Variants in EFCAB11 observed in about 807,000 individuals in gnomAD.
EFCAB11 encodes the protein EF-hand calcium binding domain 11, also known as EF-hand calcium-binding domain-containing protein 11.
In EFCAB11, 14 loss-of-function variants were observed where a neutral mutation model predicts 23.0. That is an observed-to-expected ratio of 0.61 (90% confidence interval 0.40 to 0.95). The LOEUF (loss-of-function observed/expected upper bound fraction) is 0.95, where lower values mean the gene tolerates loss of function less well. Among genes scored for constraint, EFCAB11 ranks in the 40% least tolerant of loss-of-function variants. The pLI, the probability that EFCAB11 is intolerant of heterozygous loss-of-function variation, is 0.00. For synonymous variants in EFCAB11, 65 were observed against 66.6 expected, an observed-to-expected ratio of 0.98 and a Z score of 0.11; for missense variants, 198 against 195.8, an observed-to-expected ratio of 1.01 and a Z score of -0.07.
rs555024133 is a variant in EFCAB11 at position 89,795,621 on chromosome 14, C to G, written c.*1622G>C. The G allele has an allele frequency of 6.6e-6, 1 of 151,906 alleles. No homozygotes were observed. The highest frequency in any genetic ancestry group is 1.5e-5 in the Non-Finnish European group (1 of 68,022). The allele number at this position is 151,906 out of a possible 1,614,324, so 9.4% of individuals were successfully genotyped here. A position where few individuals can be genotyped will look rare whatever the true frequency, so the allele number is the denominator to read the frequency against. On this transcript the variant is annotated 3_prime_UTR_variant, in exon 6 of 6. Transcript: ENST00000316738. ...GGCGGAAGTTGCAGTGAGCCGAGAT[C>G]GCGCACTGTACTCCAGCTTAGGTGA...
At chr14:89,924,597 T>C in intron 5 of EFCAB11, 1 of 1,534,446 alleles carries the variant, frequency 6.5e-7, no homozygotes, top group African/African-American at 1.4e-5. Context: ...CACAGGGTGT[T>C]GATGGCAGGC....
intron 5 of EFCAB11, among the ~76,000 whole-genome samples, chr14:89,811,043 G>A (rs1323873778): frequency 6.6e-6 from 1 of 152,130 alleles, no homozygotes; most frequent in African/African-American, 2.4e-5. Flanking sequence ...GAACTGGGCA[G>A]CAGGTCAGGG....
chr14:89,864,062 T>C (rs1181676407), intron 5 of EFCAB11, among the ~76,000 whole-genome samples: 1 of 152,248 alleles, frequency 6.6e-6, no homozygotes, highest in Non-Finnish European at 1.5e-5. Flanking sequence ...CACTACTTAA[T>C]TTTTAAATAA....
At chr14:89,901,744 T>C (rs1330198931) in intron 5 of EFCAB11, among the ~76,000 whole-genome samples, 2 of 152,198 alleles carry the variant, frequency 1.3e-5, no homozygotes, top group Middle Eastern at 3.2e-3. Flanking sequence ...TGAAATATGA[T>C]ATGACATAAT....
At chr14:89,862,546 GA>G (rs1887957324) in intron 5 of EFCAB11, among the ~76,000 whole-genome samples, 1 of 152,218 alleles carries the variant, frequency 6.6e-6, no homozygotes, top group African/African-American at 2.4e-5. Flanking sequence ...AATTCTGACA[GA>G]AAGCTACCTG....
intron 5 of EFCAB11, among the ~76,000 whole-genome samples, chr14:89,925,915 G>T (rs12100947): frequency 0.19 from 28,655 of 151,876 alleles, 3,144 homozygotes; most frequent in South Asian, 0.32. Context: ...TGCAACCCCC[G>T]CCTCCAAAGT....
intron 5 of EFCAB11, among the ~76,000 whole-genome samples, chr14:89,894,738 A>G (rs868511890): frequency 6.6e-6 from 1 of 152,244 alleles, no homozygotes; most frequent in African/African-American, 2.4e-5. Context: ...TGATGTCATT[A>G]TCTTTGTGGA....
intron 5 of EFCAB11, among the ~76,000 whole-genome samples, chr14:89,875,688 T>C (rs1187032679): frequency 1.3e-5 from 2 of 152,000 alleles, no homozygotes; most frequent in African/African-American, 4.8e-5. Flanking sequence ...TATGTGGAGT[T>C]TGAGGGGTCA....
Position 89,797,254 on chromosome 14 carries a change from T to A in EFCAB11, c.481A>T (p.Lys161Ter), listed in dbSNP as rs775084703. Reference sequence around the variant, plus strand: ...GTAGTTCACAATAGTTAGGCTTCCTTCTGTCCATAGTTCAGGGCATATTCA... The same window carrying A: ...GTAGTTCACAATAGTTAGGCTTCCTACTGTCCATAGTTCAGGGCATATTCA... ...DFEYALNYGQ[K>*]EA The change falls in exon 6 of 6, where the codon AAG becomes TAG. Residue 161 changes from lysine to a stop codon, truncating the protein, a stop_gained. Transcript: ENST00000316738. LOFTEE classifies it high-confidence loss of function. 6.2e-7 allele frequency: 1 copy of A among 1,613,296 alleles called. No individual in the cohort carries two copies. The highest frequency in any genetic ancestry group is 8.5e-7 in the Non-Finnish European group (1 of 1,179,768).
In EFCAB11 at chr14:89,794,968, C is replaced by G. The variant is rs1354308181; in HGVS notation, c.*2275G>C. On this transcript the variant is annotated 3_prime_UTR_variant, in exon 6 of 6. Coordinates refer to ENST00000316738, the MANE Select transcript of EFCAB11 (RefSeq NM_145231.4). ...TGCTTGATTTGTTTCTACTTAATGT[C>G]TTTTTTTTTTTTTTTTTTTTTTTTT... 1 of 67,246 alleles carries G rather than the reference C, an allele frequency of 1.5e-5. No homozygotes were observed. The highest frequency in any genetic ancestry group is 6.2e-5 in the African/African-American group (1 of 16,006). The allele number at this position is 67,246 out of a possible 1,614,324, so 4.2% of individuals were successfully genotyped here.
At chr14:89,913,376 A>G (rs1361078537) in intron 5 of EFCAB11, among the ~76,000 whole-genome samples, 3 of 152,222 alleles carry the variant, frequency 2.0e-5, no homozygotes, top group Non-Finnish European at 2.9e-5. Flanking sequence ...TGGAAAAATA[A>G]TGTCTTGGCA....
rs541266097 is a variant in EFCAB11, at chr14:89,872,609, T to A, written c.410+58932A>T. Among the ~76,000 whole-genome samples, 90 of 152,306 alleles carry A rather than the reference T, an allele frequency of 5.9e-4. 1 individual carries two copies. Among genetic ancestry groups the A allele is most frequent in the African/African-American group, 2.1e-3 (87 of 41,576 alleles). Reference sequence around the variant, plus strand: ...CTCATAAGAAAATGAAGGCAGGTAGTACGGGCTGAATTGTGTCCCCCAAAA... The same window carrying A: ...CTCATAAGAAAATGAAGGCAGGTAGAACGGGCTGAATTGTGTCCCCCAAAA... On this transcript the variant is annotated intron_variant, in intron 5 of 5. Coordinates refer to ENST00000316738, the MANE Select transcript of EFCAB11 (RefSeq NM_145231.4).
intron 5 of EFCAB11, among the ~76,000 whole-genome samples, chr14:89,924,951 G>A (rs1890142933): frequency 6.6e-6 from 1 of 152,222 alleles, no homozygotes; most frequent in African/African-American, 2.4e-5. Context: ...ACAGATATAA[G>A]TCCATAAACT....
At chr14:89,837,171 C>T (rs1248823591) in intron 5 of EFCAB11, 3 of 454,646 alleles carry the variant, frequency 6.6e-6, no homozygotes, top group South Asian at 1.6e-5. Flanking sequence ...ATAACAGATA[C>T]ACTATTTATT....
chr14:89,900,972 G>A (rs1340202393), intron 5 of EFCAB11, among the ~76,000 whole-genome samples: 1 of 152,090 alleles, frequency 6.6e-6, no homozygotes, highest in East Asian at 1.9e-4. Flanking sequence ...ACTACATATG[G>A]TATGAAGACA....
chr14:89,912,922 A>G (rs746745630), intron 5 of EFCAB11, among the ~76,000 whole-genome samples: 12 of 152,198 alleles, frequency 7.9e-5, no homozygotes, highest in Non-Finnish European at 1.3e-4. Context: ...AGAGCACAAG[A>G]TTTCTGCTGT....
chr14:89,835,628 G>GTGTGTGTGTA (rs1887051541), intron 5 of EFCAB11, among the ~76,000 whole-genome samples: 10 of 149,980 alleles, frequency 6.7e-5, no homozygotes, highest in Admixed American at 4.0e-4. Context: ...GTGTGTGTGT[G>GTGTGTGTGTA]TGTGTGTGTG....
At chr14:89,837,483 C>G (rs1887122924) in intron 5 of EFCAB11, among the ~76,000 whole-genome samples, 2 of 152,182 alleles carry the variant, frequency 1.3e-5, no homozygotes, top group African/African-American at 4.8e-5. Context: ...CCTCCCTTGC[C>G]CTTTAGAGCC....
Position 89,904,581 on chromosome 14 carries a change from C to T in EFCAB11, c.410+26960G>A, listed in dbSNP as rs555666607. On this transcript the variant is annotated intron_variant, in intron 5 of 5. Transcript: ENST00000316738. ...CTTCCACAATGGTTGAACTAATTTA[C>T]ACTCCCACCAACAGTGTAAAATTGC... 1.1e-4 allele frequency among the ~76,000 whole-genome samples: 16 copies of T among 152,294 alleles called. 1 individual carries two copies. In the South Asian group the frequency reaches 3.3e-3, roughly 32 times the overall value.
Sources: gnomAD v4.1 joint callset for allele counts (sites outside exome capture counted in the v4.1 genomes callset) on GRCh38, gnomAD v4.1.1 for gene constraint, MANE v1.5 for transcripts, NCBI Gene and HGNC (gene_info 2026-07-23, HGNC 2026-07-21) for gene names.